Variants in POLR1D observed in about 807,000 individuals in gnomAD.
POLR1D encodes RNA polymerase I and III subunit D, also known as DNA-directed RNA polymerases I and III subunit RPAC2.
Under a neutral mutation model 10.8 loss-of-function variants are expected in POLR1D, and 8 were observed. The ratio of observed to expected loss-of-function variants is 0.74; its 90% CI spans 0.43 to 1.33. The LOEUF is 1.33. POLR1D is among the 40% of genes most tolerant of loss of function. The pLI, the probability that POLR1D is intolerant of heterozygous loss-of-function variation, is 0.01. For missense variants in POLR1D, 152 were observed against 161.7 expected (o/e 0.94, Z 0.32); for synonymous variants, 54 against 57.2 (o/e 0.94, Z 0.25).
At chr13:27,640,756 C>T (rs1956165733) in intron 1 of POLR1D, among the ~76,000 whole-genome samples, 1 of 152,092 alleles carries the variant, frequency 6.6e-6, no homozygotes, top group South Asian at 2.1e-4. Flanking sequence ...TACTTTTAGA[C>T]TATTATGGTT....
At chr13:27,651,576 G>A (rs1956267894) in intron 2 of POLR1D, 1 of 152,060 alleles carries the variant, frequency 6.6e-6, no homozygotes, top group Admixed American at 6.6e-5. Context: ...TCTATCAAGT[G>A]TAATCATCTT....
At chr13:27,653,762 T>C (rs78749546) in intron 2 of POLR1D, among the ~76,000 whole-genome samples, 3,999 of 152,322 alleles carry the variant, frequency 0.026, 89 homozygotes, top group Non-Finnish European at 0.043. Context: ...AAAATAACTA[T>C]ATTTGCAAAA....
chr13:27,623,801 ATTCTGGT>A (rs1955979232), downstream of POLR1D, among the ~76,000 whole-genome samples: 1 of 152,208 alleles, frequency 6.6e-6, no homozygotes, highest in South Asian at 2.1e-4. Context: ...AAGTGTGAGA[ATTCTGGT>A]TTTACATGAG....
Position 27,622,867 on chromosome 13 carries a change from G to A in POLR1D, c.27-8G>A, listed in dbSNP as rs530941743. Reference sequence around the variant, plus strand: ...ATGATCTCATTTTTATAAAAAATATGTGTGTAGAAAAATATCTGGATTGAA... The same window carrying A: ...ATGATCTCATTTTTATAAAAAATATATGTGTAGAAAAATATCTGGATTGAA... On this transcript the variant is annotated splice_polypyrimidine_tract_variant and splice_region_variant and intron_variant, in intron 1 of 1. Coordinates refer to ENST00000302979, the MANE Select transcript of POLR1D (RefSeq NM_015972.4). 9.5e-5 allele frequency: 150 copies of A among 1,578,626 alleles called. No individual in the cohort carries two copies. The highest frequency in any genetic ancestry group is 1.2e-4 in the Non-Finnish European group (142 of 1,148,144).
chr13:27,623,800 A>G (rs1955979183), downstream of POLR1D, among the ~76,000 whole-genome samples: 1 of 152,192 alleles, frequency 6.6e-6, no homozygotes, highest in African/African-American at 2.4e-5. Context: ...GAAGTGTGAG[A>G]ATTCTGGTTT....
chr13:27,630,930 T>C (rs981340195), intron 1 of POLR1D, among the ~76,000 whole-genome samples: 1 of 152,122 alleles, frequency 6.6e-6, no homozygotes, highest in Admixed American at 6.5e-5. Flanking sequence ...GCTGGCCTTC[T>C]CACTTTTATG....
chr13:27,649,953 G>A (rs1276679094), intron 2 of POLR1D: 1 of 397,640 alleles, frequency 2.5e-6, no homozygotes, highest in Admixed American at 4.4e-5. Context: ...CAAGTTCAGA[G>A]GGTTCCCCCA....
chr13:27,653,744 T>C (rs1956286506), intron 2 of POLR1D, among the ~76,000 whole-genome samples: 1 of 152,182 alleles, frequency 6.6e-6, no homozygotes, highest in South Asian at 2.1e-4. Context: ...TAAATAACAT[T>C]TATAAGAAAA....
At chr13:27,660,654 G>C (rs1956354598) in intron 2 of POLR1D, 2 of 152,334 alleles carry the variant, frequency 1.3e-5, no homozygotes, top group East Asian at 3.9e-4. Flanking sequence ...TGGATGAGGA[G>C]CCTTAGCCAC....
At chr13:27,660,966 CAGAT>C (rs1177657091) in intron 2 of POLR1D, 1 of 152,192 alleles carries the variant, frequency 6.6e-6, no homozygotes, top group African/African-American at 2.4e-5. Context: ...GTGTCACTCT[CAGAT>C]AGGTCCTATT....
Position 27,645,510 on chromosome 13 carries a change from A to G in POLR1D, c.27-2869A>G, listed in dbSNP as rs573513042. Among the ~76,000 whole-genome samples the G allele has an allele frequency of 3.3e-3, 509 of 152,246 alleles. 2 individuals are homozygous for G. The highest frequency in any genetic ancestry group is 5.9e-3 in the Non-Finnish European group (399 of 68,020). ...ACTTTCCACATCTGTATTGGTGGTAATAACTATGTTATCATGGTTATATAG... is the reference window on the plus strand; with the variant it reads ...ACTTTCCACATCTGTATTGGTGGTAGTAACTATGTTATCATGGTTATATAG... On this transcript the variant is annotated intron_variant, in intron 1 of 2. Coordinates refer to the POLR1D transcript ENST00000399697.
downstream of POLR1D, among the ~76,000 whole-genome samples, chr13:27,628,296 G>A (rs1382005612): frequency 6.6e-6 from 1 of 152,204 alleles, no homozygotes; most frequent in East Asian, 1.9e-4. Context: ...TAAATATTGA[G>A]CACATACTAT....
chr13:27,644,839 T>A (rs1593287264), intron 1 of POLR1D, among the ~76,000 whole-genome samples: 1 of 152,296 alleles, frequency 6.6e-6, no homozygotes, highest in African/African-American at 2.4e-5. Flanking sequence ...AACTATCTTG[T>A]TTCATGCATG....
chr13:27,634,640 A>C (rs568225482), intron 1 of POLR1D, among the ~76,000 whole-genome samples: 1 of 150,948 alleles, frequency 6.6e-6, no homozygotes, highest in East Asian at 2.0e-4. Flanking sequence ...GTAATTAGAT[A>C]GGAACTGAAA....
At chr13:27,636,038 T>C (rs1956122097) in intron 1 of POLR1D, among the ~76,000 whole-genome samples, 2 of 152,156 alleles carry the variant, frequency 1.3e-5, no homozygotes, top group South Asian at 4.1e-4. Flanking sequence ...GTAAGTCTAT[T>C]CAGTCTGGAT....
upstream of POLR1D, chr13:27,621,528 G>A (rs1034881024): frequency 6.5e-6 from 1 of 152,926 alleles, no homozygotes; most frequent in Non-Finnish European, 1.5e-5. Context: ...GGTCAACACC[G>A]CCCCAGTTGG....
intron 2 of POLR1D, chr13:27,665,026 C>T (rs56403358): frequency 0.022 from 3,394 of 152,756 alleles, 37 homozygotes; most frequent in South Asian, 0.055. Context: ...TGCAGCCTCT[C>T]CTAGGTAAAC....
chr13:27,623,028 G>A lies in POLR1D; in HGVS notation c.180G>A (p.Met60Ile), dbSNP rs772125623. 6.2e-7 allele frequency: 1 copy of A among 1,614,098 alleles called. No individual in the cohort carries two copies. Among genetic ancestry groups the A allele is most frequent in the Non-Finnish European group, 8.5e-7 (1 of 1,179,970 alleles). The change falls in exon 2 of 2, where the codon ATG becomes ATA. Residue 60 changes from methionine (M) to isoleucine (I), a missense_variant. Met to Ile is a conservative substitution (Grantham distance 10). Transcript: ENST00000302979. ...GAAATTCTCTACGTTACATGATCAT[G>A]AAGAACCCGGAAGTGGAATTTTGTG... ...TLGNSLRYMI[M>I]KNPEVEFCGY...
chr13:27,646,084 TG>T (rs1235669793), intron 1 of POLR1D: 5 of 152,250 alleles, frequency 3.3e-5, no homozygotes, highest in Admixed American at 3.3e-4. Context: ...ATAGTTTTTA[TG>T]GGAAAACACA....
Sources: gnomAD v4.1 joint callset for allele counts (sites outside exome capture counted in the v4.1 genomes callset) on GRCh38, gnomAD v4.1.1 for gene constraint, MANE v1.5 for transcripts, NCBI Gene and HGNC (gene_info 2026-07-23, HGNC 2026-07-21) for gene names.